Variants in DPP10 observed in about 807,000 individuals in gnomAD.
DPP10 encodes dipeptidyl peptidase like 10, also known as inactive dipeptidyl peptidase 10.
Under a neutral mutation model 120.9 loss-of-function variants are expected in DPP10, and 33 were observed. The observed-to-expected ratio is 0.27, with a 90% confidence interval of 0.21 to 0.37. DPP10 has a LOEUF of 0.37. Among genes scored for constraint, DPP10 ranks in the 10% least tolerant of loss-of-function variants. The pLI is 1.00. For missense variants in DPP10, 816 were observed against 942.8 expected (o/e 0.87, Z 1.76); for synonymous variants, 337 against 326.1 (o/e 1.03, Z -0.36).
intron 1 of DPP10, among the ~76,000 whole-genome samples, chr2:114,511,878 G>T (rs946611886): frequency 1.3e-5 from 2 of 152,200 alleles, no homozygotes; most frequent in African/African-American, 4.8e-5. Flanking sequence ...TTGTCTGTGA[G>T]CTTCAAATTG....
Position 115,380,098 on chromosome 2 carries a change from T to C in DPP10, c.271+36186T>C, listed in dbSNP as rs887415262. Among the ~76,000 whole-genome samples, 3 of 152,120 alleles carry C rather than the reference T, an allele frequency of 2.0e-5. No individual in the cohort carries two copies. The East Asian group carries it at 5.8e-4, about 29-fold the overall frequency. ...TGGTGCAGAGTTGAGTTCAATTCCT[T>C]GGTATCCTTGTTGACTTTCTGTCTC... On this transcript the variant is annotated intron_variant, in intron 3 of 25. Coordinates refer to ENST00000410059, the MANE Select transcript of DPP10 (RefSeq NM_020868.6).
chr2:115,558,021 G>C (rs981349185), intron 5 of DPP10, among the ~76,000 whole-genome samples: 1 of 152,116 alleles, frequency 6.6e-6, no homozygotes, highest in Non-Finnish European at 1.5e-5. Flanking sequence ...AGGTAACGAT[G>C]TATATATTTT....
intron 5 of DPP10, among the ~76,000 whole-genome samples, chr2:115,627,225 G>C (rs948491467): frequency 2.0e-5 from 3 of 152,124 alleles, no homozygotes; most frequent in African/African-American, 7.2e-5. Flanking sequence ...TCACCCTATT[G>C]CTGATAGAGG....
At chr2:114,865,537 T>G (rs1690153797) in intron 1 of DPP10, among the ~76,000 whole-genome samples, 1 of 152,234 alleles carries the variant, frequency 6.6e-6, no homozygotes, top group African/African-American at 2.4e-5. Flanking sequence ...CATTGTTATT[T>G]AATTTAACAT....
chr2:114,639,440 C>G (rs1272758565), intron 1 of DPP10, among the ~76,000 whole-genome samples: 1 of 151,714 alleles, frequency 6.6e-6, no homozygotes, highest in Non-Finnish European at 1.5e-5. Flanking sequence ...ACAGTAGAAG[C>G]TAAACATTGG....
chr2:115,651,631 T>C (rs965487820), intron 5 of DPP10, among the ~76,000 whole-genome samples: 16 of 152,022 alleles, frequency 1.1e-4, no homozygotes, highest in African/African-American at 3.9e-4. Context: ...TGGAGTAATA[T>C]AATACTGTCA....
intron 5 of DPP10, among the ~76,000 whole-genome samples, chr2:115,532,773 G>A (rs1289600696): frequency 6.6e-6 from 1 of 151,728 alleles, no homozygotes; most frequent in African/African-American, 2.4e-5. Context: ...AATATTTGTG[G>A]TTAATATTTG....
intron 4 of DPP10, among the ~76,000 whole-genome samples, chr2:115,509,984 A>T (rs967239053): frequency 6.6e-6 from 1 of 152,112 alleles, no homozygotes; most frequent in Non-Finnish European, 1.5e-5. Flanking sequence ...TCTTGTGCTT[A>T]TTGATCATTT....
intron 1 of DPP10, among the ~76,000 whole-genome samples, chr2:115,040,779 A>T (rs1381300154): frequency 6.6e-6 from 1 of 152,074 alleles, no homozygotes; most frequent in Non-Finnish European, 1.5e-5. Flanking sequence ...TGTATGGGCC[A>T]TGTAAGATGA....
chr2:114,874,091 T>G (rs1690942083), intron 1 of DPP10, among the ~76,000 whole-genome samples: 1 of 152,168 alleles, frequency 6.6e-6, no homozygotes, highest in Admixed American at 6.5e-5. Flanking sequence ...TTTGAAACAT[T>G]AGCAGAGATT....
At chr2:115,684,768 A>T (rs1206282485) in intron 5 of DPP10, among the ~76,000 whole-genome samples, 3 of 151,860 alleles carry the variant, frequency 2.0e-5, no homozygotes, top group African/African-American at 7.2e-5. Context: ...GTAATAACTG[A>T]TATTCCAAGA....
At position 115,120,046 on chromosome 2, in the gene DPP10, C is replaced by A. The variant is rs148033125; in HGVS notation, c.61-189193C>A. Among the ~76,000 whole-genome samples, 1,269 of 152,316 alleles carry A rather than the reference C, an allele frequency of 8.3e-3. 21 individuals carry two copies. Among genetic ancestry groups the A allele is most frequent in the African/African-American group, 0.029 (1,206 of 41,564 alleles). On this transcript the variant is annotated intron_variant, in intron 1 of 25. Coordinates refer to ENST00000410059, the MANE Select transcript of DPP10 (RefSeq NM_020868.6). Reference sequence around the variant, plus strand: ...TTTTCATCTGAGTCTAAACAGATTTCTCCCTGTGCTGCCAGTAACATATCT... The same window carrying A: ...TTTTCATCTGAGTCTAAACAGATTTATCCCTGTGCTGCCAGTAACATATCT...
intron 5 of DPP10, among the ~76,000 whole-genome samples, chr2:115,580,624 C>T (rs574052729): frequency 1.3e-5 from 2 of 152,216 alleles, no homozygotes; most frequent in African/African-American, 2.4e-5. Context: ...TTTGCATCTG[C>T]TGTTCTATCT....
At chr2:115,166,191 T>G (rs2105012729) in intron 1 of DPP10, among the ~76,000 whole-genome samples, 1 of 152,056 alleles carries the variant, frequency 6.6e-6, no homozygotes, top group African/African-American at 2.4e-5. Flanking sequence ...TGCAAAAGAG[T>G]TATTCTTCCA....
At chr2:115,034,732 A>G (rs1286213251) in intron 1 of DPP10, among the ~76,000 whole-genome samples, 4 of 152,040 alleles carry the variant, frequency 2.6e-5, no homozygotes, top group Non-Finnish European at 4.4e-5. Flanking sequence ...TTGACTTCTC[A>G]CTCTTCCTCA....
intron 1 of DPP10, among the ~76,000 whole-genome samples, chr2:114,796,231 T>C (rs1253458383): frequency 1.3e-5 from 2 of 152,138 alleles, no homozygotes; most frequent in African/African-American, 4.8e-5. Context: ...ATGCTGGAAG[T>C]GCTCCCAAGA....
intron 5 of DPP10, among the ~76,000 whole-genome samples, chr2:115,543,130 G>A (rs1246652696): frequency 6.6e-6 from 1 of 151,956 alleles, no homozygotes; most frequent in African/African-American, 2.4e-5. Context: ...TGGAAGAACA[G>A]AGATAGCACC....
At chr2:115,756,825 A>C (rs1679464760) in intron 11 of DPP10, among the ~76,000 whole-genome samples, 1 of 152,108 alleles carries the variant, frequency 6.6e-6, no homozygotes, top group South Asian at 2.1e-4. Context: ...AGAGGTTGGC[A>C]TCTGGTGAGG....
intron 3 of DPP10, among the ~76,000 whole-genome samples, chr2:115,464,933 G>A (rs1450037659): frequency 1.3e-5 from 2 of 151,966 alleles, no homozygotes; most frequent in African/African-American, 4.8e-5. Flanking sequence ...ATCTACCAAC[G>A]TCCTTTCTTA....
Sources: allele counts gnomAD v4.1 joint callset (sites outside exome capture counted in the v4.1 genomes callset), GRCh38; gene constraint gnomAD v4.1.1; transcripts MANE v1.5; gene names NCBI Gene and HGNC (gene_info 2026-07-23, HGNC 2026-07-21).